SPNS2: variants seen among roughly 807,000 people sequenced by gnomAD.
The protein encoded by SPNS2 is sphingosine-1-phosphate transporter SPNS2.
A neutral mutation model predicts 57.6 loss-of-function variants in SPNS2; 37 were observed. The ratio of observed to expected loss-of-function variants is 0.64; its 90% CI spans 0.49 to 0.85. SPNS2 has a LOEUF of 0.85. Among genes scored for constraint, SPNS2 ranks in the 40% least tolerant of loss-of-function variants. The pLI, the probability that SPNS2 is intolerant of heterozygous loss-of-function variation, is 0.00. For synonymous variants in SPNS2, 440 were observed against 346.9 expected (o/e 1.27, Z -2.98); for missense variants, 831 against 779.1 (o/e 1.07, Z -0.79).
intron 5 of SPNS2, 27 bp downstream of exon 5, chr17:4,531,146 G>A: frequency 6.2e-7 from 1 of 1,611,744 alleles, no homozygotes; most frequent in Non-Finnish European, 8.5e-7. Flanking sequence ...TTCCCATGAG[G>A]ACACCCTCCG....
At chr17:4,500,873 G>A (rs754211811) in intron 1 of SPNS2, among the ~76,000 whole-genome samples, 6 of 151,972 alleles carry the variant, frequency 3.9e-5, no homozygotes, top group Non-Finnish European at 5.9e-5. Flanking sequence ...GTGGGTACCA[G>A]TGGCATCAGT....
In SPNS2 at chr17:4,517,672, T is replaced by C. The variant is rs148077686; in HGVS notation, c.436+4360T>C. ...ACTCCGTCTCAAAAAAAAAAATTAA[T>C]AGAGCATACAGTTCTCCCTCATTTT... On this transcript the variant is annotated intron_variant, in intron 2 of 12. Transcript: ENST00000329078. Among the ~76,000 whole-genome samples the C allele has an allele frequency of 3.8e-3, 579 of 152,154 alleles. 11 individuals are homozygous for C. In the East Asian group the frequency reaches 0.045, roughly 12 times the overall value.
At chr17:4,524,398 G>A (rs948563277) in intron 2 of SPNS2, among the ~76,000 whole-genome samples, 1 of 152,290 alleles carries the variant, frequency 6.6e-6, no homozygotes, top group Non-Finnish European at 1.5e-5. Flanking sequence ...TACATGATGA[G>A]ATATGGCTGG....
intron 2 of SPNS2, among the ~76,000 whole-genome samples, chr17:4,522,647 C>G (rs1056384658): frequency 6.6e-6 from 1 of 152,238 alleles, no homozygotes; most frequent in African/African-American, 2.4e-5. Flanking sequence ...CAGCCGGGAC[C>G]ACGCACACAT....
intron 5 of SPNS2, among the ~76,000 whole-genome samples, chr17:4,531,690 G>A (rs1488303775): frequency 6.6e-6 from 1 of 152,168 alleles, no homozygotes; most frequent in Admixed American, 6.5e-5. Flanking sequence ...AGTGGGGTGG[G>A]GGGATGGGGA....
rs190884571 is a variant in SPNS2 at position 4,536,349 on chromosome 17, C to G, written c.1530C>G (p.Phe510Leu). The G allele has an allele frequency of 1.2e-6, 2 of 1,611,086 alleles. No individual in the cohort carries two copies. Among genetic ancestry groups the G allele is most frequent in the East Asian group, 2.2e-5 (1 of 44,868 alleles). Residue 510 changes from phenylalanine to leucine, a missense_variant, in exon 11 of 13, where the codon TTC becomes TTG. Phe to Leu is a conservative substitution (Grantham distance 22). Transcript: ENST00000329078. The part of the protein sequence containing the change: ...SLGYALMLCP[F>L]VVVLGGMFFL... ...GCTACGCGCTCATGCTCTGCCCTTT[C>G]GTCGTGGTCCTGGGCGGCATGTTCT...
chr17:4,509,474 G>A (rs907767069), intron 1 of SPNS2, among the ~76,000 whole-genome samples: 4 of 152,360 alleles, frequency 2.6e-5, no homozygotes, highest in Middle Eastern at 6.8e-3. Context: ...TGTGAAAGGA[G>A]GAGAGGAAAG....
chr17:4,516,506 G>A (rs1372143263), intron 2 of SPNS2, among the ~76,000 whole-genome samples: 2 of 152,114 alleles, frequency 1.3e-5, no homozygotes, highest in Non-Finnish European at 2.9e-5. Flanking sequence ...TATCTATGGG[G>A]GCAGAAAACG....
chr17:4,531,187 A>T, intron 5 of SPNS2, 68 bp downstream of exon 5: 1 of 1,507,588 alleles, frequency 6.6e-7, no homozygotes, highest in Non-Finnish European at 9.2e-7. Context: ...TTGCCCAGAG[A>T]TGTAATCCAG....
rs1904830933 is a variant in SPNS2 at position 4,511,608 on chromosome 17, A to G, written c.371-1639A>G. On this transcript the variant is annotated intron_variant, in intron 1 of 12. Coordinates refer to ENST00000329078, the MANE Select transcript of SPNS2 (RefSeq NM_001124758.3). This position sits in a 1 kb window ranked among gnomAD's most constrained non-coding sequence, Gnocchi z 4.6. ...AGAGGTCCCTCTTGCTGGCTCTGCC[A>G]TCCACAGGCCTAGGATTGGCCCCGG... Among the ~76,000 whole-genome samples, 1 of 152,212 alleles carries G rather than the reference A, an allele frequency of 6.6e-6. No individual in the cohort carries two copies. Among genetic ancestry groups the G allele is most frequent in the African/African-American group, 2.4e-5 (1 of 41,452 alleles).
intron 1 of SPNS2, 63 bp from the exon 2 acceptor site, chr17:4,513,184 G>GCTGGT (rs1285478476): frequency 1.3e-6 from 2 of 1,570,762 alleles, no homozygotes; most frequent in Non-Finnish European, 1.8e-6. Context: ...AAGAGGCTGG[G>GCTGGT]CTGGTCTGTG....
At chr17:4,534,345 T>G in intron 9 of SPNS2, 1 of 193,038 alleles carries the variant, frequency 5.2e-6, no homozygotes, top group Non-Finnish European at 1.1e-5. Context: ...CAGGGGCTTG[T>G]GTCCCTGGGT....
chr17:4,503,282 G>C (rs1031199070), intron 1 of SPNS2, among the ~76,000 whole-genome samples: 1 of 152,210 alleles, frequency 6.6e-6, no homozygotes, highest in Admixed American at 6.5e-5. Context: ...GCTGGCTTAG[G>C]CAAGAGCCCT....
chr17:4,530,231 C>G (rs540873504), intron 3 of SPNS2, among the ~76,000 whole-genome samples: 4 of 152,310 alleles, frequency 2.6e-5, no homozygotes, highest in African/African-American at 9.6e-5. Flanking sequence ...TTGGGAGAGA[C>G]ACACAGAGTG....
At chr17:4,507,717 G>T (rs1904719145) in intron 1 of SPNS2, among the ~76,000 whole-genome samples, 1 of 152,256 alleles carries the variant, frequency 6.6e-6, no homozygotes, top group South Asian at 2.1e-4. Context: ...CTCAGGTAGG[G>T]TGAACGTGGG....
intron 2 of SPNS2, among the ~76,000 whole-genome samples, chr17:4,522,347 T>G (rs1375384260): frequency 6.6e-6 from 1 of 151,694 alleles, no homozygotes; most frequent in African/African-American, 2.4e-5. Flanking sequence ...GGAGCGGAGG[T>G]GAATTTGAGC....
At chr17:4,522,200 GA>G (rs1001764629) in intron 2 of SPNS2, among the ~76,000 whole-genome samples, 1 of 151,908 alleles carries the variant, frequency 6.6e-6, no homozygotes, top group African/African-American at 2.4e-5. Context: ...CTCCATCTCA[GA>G]AAAAAAAGAA....
chr17:4,530,736 G>A lies in SPNS2; in HGVS notation c.678G>A (p.Thr226=), dbSNP rs780640211. The part of the protein sequence containing the change: ...TIIGDLFTKN[T]RTLMLSVFYF... Reference sequence around the variant, plus strand: ...TTGGCGACCTCTTCACCAAGAACACGCGTACGCTCATGCTGTCCGTCTTCT... The same window carrying A: ...TTGGCGACCTCTTCACCAAGAACACACGTACGCTCATGCTGTCCGTCTTCT... Residue 226 remains threonine (T), a synonymous_variant, in exon 4 of 13, where the codon ACG becomes ACA. Coordinates refer to ENST00000329078, the MANE Select transcript of SPNS2 (RefSeq NM_001124758.3). 1.5e-5 allele frequency: 24 copies of A among 1,613,926 alleles called. No homozygotes were observed. The highest frequency in any genetic ancestry group is 5.0e-5 in the Admixed American group (3 of 59,996).
At chr17:4,501,812 G>C (rs954827256) in intron 1 of SPNS2, among the ~76,000 whole-genome samples, 1 of 152,136 alleles carries the variant, frequency 6.6e-6, no homozygotes, top group Non-Finnish European at 1.5e-5. Context: ...AGACTCAATT[G>C]CTCAGTCTTT....
Sources: allele counts gnomAD v4.1 joint callset (sites outside exome capture counted in the v4.1 genomes callset), GRCh38; gene constraint gnomAD v4.1.1; non-coding constraint Gnocchi (gnomAD v3.1); transcripts MANE v1.5; gene names NCBI Gene and HGNC (gene_info 2026-07-23, HGNC 2026-07-21).